IFNAR2: variants seen among roughly 807,000 people sequenced by gnomAD.
The protein encoded by IFNAR2 is interferon alpha/beta receptor 2.
A neutral mutation model predicts 49.4 loss-of-function variants in IFNAR2; 30 were observed. The ratio of observed to expected loss-of-function variants is 0.61; its 90% CI spans 0.45 to 0.82. IFNAR2 has a LOEUF of 0.82. Ranked by LOEUF, IFNAR2 falls within the 40% of genes least tolerant of loss-of-function variation. The pLI is 0.00. For missense variants in IFNAR2, 600 were observed against 622.7 expected, an observed-to-expected ratio of 0.96 and a Z score of 0.39; for synonymous variants, 224 against 234.5, an observed-to-expected ratio of 0.96 and a Z score of 0.41.
rs993496413 is a variant in IFNAR2, at chr21:33,230,224, A to G, written c.-84+8A>G. ...AAGGCGAGAGCTGCAAAGGTAACGC[A>G]GCGTGGCGGGGTCGCGGGAGCGGAG... is the stretch of plus-strand genomic sequence containing the variant. On this transcript the variant is annotated splice_region_variant and intron_variant, in intron 1 of 8. Transcript: ENST00000342136. This position sits in a 1 kb window ranked among gnomAD's most constrained non-coding sequence, Gnocchi z 5.5. 4 of 1,094,354 alleles carry G rather than the reference A, an allele frequency of 3.7e-6. No homozygotes were observed. The highest frequency in any genetic ancestry group is 1.7e-5 in the African/African-American group (1 of 58,510). The allele number at this position is 1,094,354 out of a possible 1,614,324, so 67.8% of individuals were successfully genotyped here.
At position 33,230,629 on chromosome 21, in the gene IFNAR2, T is replaced by G. The variant is rs12482556; in HGVS notation, c.-84+413T>G. On this transcript the variant is annotated intron_variant, in intron 1 of 8. Transcript: ENST00000342136. This position sits in a 1 kb window ranked among gnomAD's most constrained non-coding sequence, Gnocchi z 5.5. ...CGCCTTGCAAAACCGGCTCACCAGC[T>G]GGGTGCTCAGGTTCGGGATCTCCAG... 2.1e-6 allele frequency: 1 copy of G among 468,706 alleles called. No homozygotes were observed. The highest frequency in any genetic ancestry group is 2.0e-5 in the African/African-American group (1 of 49,998). The allele number at this position is 468,706 out of a possible 1,614,324, so 29.0% of individuals were successfully genotyped here.
In IFNAR2 at chr21:33,248,708, G is replaced by A. The variant is rs903202071; in HGVS notation, c.395-1G>A. On this transcript the variant is annotated splice_acceptor_variant, in intron 5 of 8. Transcript: ENST00000342136. LOFTEE classifies it high-confidence loss of function. ...CCTGTCTGTTTTTGTTTTTTGCACA[G>A]TGTCTTTTGAACCACCAGAGTTTGA... 32 of 1,599,110 alleles carry A rather than the reference G, an allele frequency of 2.0e-5. No homozygotes were observed. The highest frequency in any genetic ancestry group is 2.6e-5 in the Non-Finnish European group (31 of 1,174,172).
chr21:33,255,086 G>C (rs1022854512), intron 7 of IFNAR2, among the ~76,000 whole-genome samples: 12 of 152,048 alleles, frequency 7.9e-5, no homozygotes, highest in African/African-American at 2.7e-4. Flanking sequence ...TGGTTCTAAA[G>C]GAAAAAACAT....
intron 6 of IFNAR2, chr21:33,251,821 G>A (rs1265515887): frequency 1.3e-5 from 13 of 966,988 alleles, no homozygotes; most frequent in Middle Eastern, 5.2e-4. Context: ...AGTGGCTTAC[G>A]CCTGTAATCC....
At chr21:33,244,066 CCAGA>C (rs1245244673) in intron 3 of IFNAR2, among the ~76,000 whole-genome samples, 2 of 152,172 alleles carry the variant, frequency 1.3e-5, no homozygotes, top group Non-Finnish European at 2.9e-5. Flanking sequence ...CCTGATGATT[CCAGA>C]CAAAGGACAA....
At position 33,243,706 on chromosome 21, in the gene IFNAR2, A is replaced by T; in HGVS notation, c.89A>T (p.Asp30Val). 6.2e-7 allele frequency: 1 copy of T among 1,612,718 alleles called. No homozygotes were observed. Among genetic ancestry groups the T allele is most frequent in the Non-Finnish European group, 8.5e-7 (1 of 1,178,758 alleles). ...YISLVFGISY[D>V]SPDYTDESCT... Reference sequence around the variant, plus strand: ...AGCCTCGTGTTTGGTATTTCATATGATTCGCCTGGTAAGAGATGTTTTTTG... The same window carrying T: ...AGCCTCGTGTTTGGTATTTCATATGTTTCGCCTGGTAAGAGATGTTTTTTG... Residue 30 changes from aspartate (D) to valine (V), a missense_variant, in exon 3 of 9, where the codon GAT becomes GTT. Asp to Val is a radical substitution (Grantham distance 152, BLOSUM62 -3). Transcript: ENST00000342136.
Position 33,242,774 on chromosome 21 carries a change from T to C in IFNAR2, c.55+797T>C, listed in dbSNP as rs1252206851. ...TCTCGTGTGCGTGTGTGTGTGTGTG[T>C]GTGTGTGTGTGTGTGTGTGTGTGTG... is the stretch of plus-strand genomic sequence containing the variant. On this transcript the variant is annotated intron_variant, in intron 2 of 8. Coordinates refer to ENST00000342136, the MANE Select transcript of IFNAR2 (RefSeq NM_001289125.3). Among the ~76,000 whole-genome samples the C allele has an allele frequency of 9.5e-4, 15 of 15,840 alleles. 2 individuals are homozygous for C. Among genetic ancestry groups the C allele is most frequent in the Non-Finnish European group, 1.5e-3 (11 of 7,218 alleles). The allele number at this position is 15,840 out of a possible 152,430, so 10.4% of individuals were successfully genotyped here. A position where few individuals can be genotyped will look rare whatever the true frequency, so the allele number is the denominator to read the frequency against.
In IFNAR2 at chr21:33,246,970, T is replaced by A. The variant is rs1987470730; in HGVS notation, c.394+80T>A. The A allele has an allele frequency of 2.4e-6, 3 of 1,266,776 alleles. No individual in the cohort carries two copies. The East Asian group carries it at 7.4e-5, about 31-fold the overall frequency. 78.5% of individuals were successfully genotyped at this position (1,266,776 alleles called of 1,614,324 possible). A position where few individuals can be genotyped will look rare whatever the true frequency, so the allele number is the denominator to read the frequency against. On this transcript the variant is annotated intron_variant, in intron 5 of 8. Coordinates refer to ENST00000342136, the MANE Select transcript of IFNAR2 (RefSeq NM_001289125.3). ...TTGCTATTCCATGAAATAGGAGGTC[T>A]ACAAAGGTGTTTTAGACCTGGGGCT... is the stretch of plus-strand genomic sequence containing the variant.
At chr21:33,240,814 CAA>C (rs35515030) in intron 1 of IFNAR2, among the ~76,000 whole-genome samples, 9 of 138,712 alleles carry the variant, frequency 6.5e-5, no homozygotes, top group Admixed American at 7.2e-5. Context: ...AGACCCGTCT[CAA>C]AAAAAAAAAA....
At chr21:33,239,717 A>G (rs1200707622) in intron 1 of IFNAR2, among the ~76,000 whole-genome samples, 2 of 147,838 alleles carry the variant, frequency 1.4e-5, no homozygotes, top group Non-Finnish European at 3.0e-5. Context: ...TACAGCCCTC[A>G]ATGTTGTGAT....
chr21:33,239,624 G>GACAGCCCTCAATGTTGTGAGCT (rs2123460687), intron 1 of IFNAR2, among the ~76,000 whole-genome samples: 1 of 134,550 alleles, frequency 7.4e-6, no homozygotes, highest in African/African-American at 2.8e-5. Flanking sequence ...CCAGAGTGGT[G>GACAGCCCTCAATGTTGTGAGCT]ACAGCCCTCA....
In IFNAR2 at chr21:33,263,211, G is replaced by A. The variant is rs1568897922; in HGVS notation, c.1259G>A (p.Arg420Lys). Reference sequence around the variant, plus strand: ...AGCTCCACGGAGGGGTCTGGGGGCAGAATTACCTTCAATGTGGACTTAAAC... The same window carrying A: ...AGCTCCACGGAGGGGTCTGGGGGCAAAATTACCTTCAATGTGGACTTAAAC... ...DYSSTEGSGG[R>K]ITFNVDLNSV... Residue 420 changes from arginine to lysine, a missense_variant, in exon 9 of 9, where the codon AGA becomes AAA. Transcript: ENST00000342136. The A allele has an allele frequency of 6.2e-7, 1 of 1,614,204 alleles. No individual in the cohort carries two copies. Among genetic ancestry groups the A allele is most frequent in the Admixed American group, 1.7e-5 (1 of 60,036 alleles).
rs368869707 is a variant in IFNAR2 at position 33,251,684 on chromosome 21, A to G, written c.541-978A>G. 5.1e-6 allele frequency: 5 copies of G among 985,076 alleles called. No homozygotes were observed. In the African/African-American group the frequency reaches 7.0e-5, roughly 14 times the overall value. 61.0% of individuals were successfully genotyped at this position (985,076 alleles called of 1,614,324 possible). A position where few individuals can be genotyped will look rare whatever the true frequency, so the allele number is the denominator to read the frequency against. ...AACTGCTAGTAAGAATGTATTTTAAAAACTGTAAAACATGATACAAAAGTT... is the reference window on the plus strand; with the variant it reads ...AACTGCTAGTAAGAATGTATTTTAAGAACTGTAAAACATGATACAAAAGTT... On this transcript the variant is annotated intron_variant, in intron 6 of 8. Transcript: ENST00000342136.
At chr21:33,232,956 C>T (rs1787281201) in intron 1 of IFNAR2, 2 of 983,548 alleles carry the variant, frequency 2.0e-6, no homozygotes, top group Middle Eastern at 5.2e-4. Context: ...GAAAGAACAA[C>T]GTGGATTGCA....
chr21:33,243,577 A>G, intron 2 of IFNAR2, 96 bp from the exon 3 acceptor site: 1 of 1,136,984 alleles, frequency 8.8e-7, no homozygotes, highest in East Asian at 2.4e-5. Flanking sequence ...TCTGATACCA[A>G]TAAATGTGTG....
intron 1 of IFNAR2, among the ~76,000 whole-genome samples, chr21:33,234,085 A>G (rs531796282): frequency 2.1e-3 from 319 of 152,266 alleles, no homozygotes; most frequent in Non-Finnish European, 2.9e-3. Context: ...GAGGGATATC[A>G]TAGGAAATTA....
intron 5 of IFNAR2, among the ~76,000 whole-genome samples, chr21:33,247,246 C>CTTTTTTTTTTTTTTTTTTTTTT (rs71194830): frequency 9.9e-6 from 1 of 101,246 alleles, no homozygotes; most frequent in Non-Finnish European, 2.0e-5. Flanking sequence ...TTCTTTCTTT[C>CTTTTTTTTTTTTTTTTTTTTTT]TTTCTTTCTT....
Position 33,262,774 on chromosome 21 carries a change from C to CTTTT in IFNAR2, c.841-7_841-4dup, listed in dbSNP as rs34865572. 2 of 1,415,246 alleles carry CTTTT rather than the reference C, an allele frequency of 1.4e-6. No individual in the cohort carries two copies. Among genetic ancestry groups the CTTTT allele is most frequent in the Non-Finnish European group, 1.9e-6 (2 of 1,044,636 alleles). The allele number at this position is 1,415,246 out of a possible 1,614,324, so 87.7% of individuals were successfully genotyped here. ...TACAGCTGATACGGACTCTCTCTCT[C>CTTTT]TTTTTTTTTTTTTTTAAGAATTTTC... On this transcript the variant is annotated intron_variant, in intron 8 of 8. Coordinates refer to ENST00000342136, the MANE Select transcript of IFNAR2 (RefSeq NM_001289125.3).
chr21:33,230,590 C>G lies in IFNAR2; in HGVS notation c.-84+374C>G. ...GTTGCTAAGTTTGAGGGTCACATTC[C>G]TCCAGGTCCACCCCGCCTTGCAAAA... On this transcript the variant is annotated intron_variant, in intron 1 of 8. Coordinates refer to ENST00000342136, the MANE Select transcript of IFNAR2 (RefSeq NM_001289125.3). The surrounding 1 kb of genome is among the most constrained non-coding windows in gnomAD (Gnocchi z 5.5). 1 of 470,624 alleles carries G rather than the reference C, an allele frequency of 2.1e-6. No individual in the cohort carries two copies. The allele number at this position is 470,624 out of a possible 1,614,324, so 29.2% of individuals were successfully genotyped here. A position where few individuals can be genotyped will look rare whatever the true frequency, so the allele number is the denominator to read the frequency against.
Sources: gnomAD v4.1 joint callset for allele counts (sites outside exome capture counted in the v4.1 genomes callset) on GRCh38, gnomAD v4.1.1 for gene constraint, Gnocchi (gnomAD v3.1) non-coding constraint, MANE v1.5 for transcripts, NCBI Gene and HGNC (gene_info 2026-07-23, HGNC 2026-07-21) for gene names.